RPH3A: variants seen among roughly 807,000 people sequenced by gnomAD.
The protein encoded by RPH3A is rabphilin-3A.
A neutral mutation model predicts 102.2 loss-of-function variants in RPH3A; 48 were observed. That is an observed-to-expected ratio of 0.47 (90% CI 0.37 to 0.60). The LOEUF is 0.60. RPH3A is among the 20% of genes least tolerant of loss of function. The probability of loss-of-function intolerance (pLI) is 0.00; values close to 1 mark genes in which losing one functional copy is unlikely to be tolerated. For missense variants in RPH3A, 781 were observed against 910.1 expected (o/e 0.86, Z 1.83); for synonymous variants, 310 against 324.3 (o/e 0.96, Z 0.47).
rs1555209151 is a variant in RPH3A at position 112,791,899 on chromosome 12, A to AGAGAGAGAGAGAGG, written c.-247_-246insGAGAGAGGGAGAGA. Reference sequence around the variant, plus strand: ...GAGAGAGAGAGAGAGAGAGAGAGAGAGAGAGACTCACAGAGCTAAAACCTT... The same window carrying AGAGAGAGAGAGAGG: ...GAGAGAGAGAGAGAGAGAGAGAGAGAGAGAGAGAGAGAGGGAGAGACTCACAGAGCTAAAACCTT... On this transcript the variant is annotated 5_prime_UTR_variant, in exon 1 of 22. Coordinates refer to ENST00000389385, the MANE Select transcript of RPH3A (RefSeq NM_001143854.2). 1 of 150,584 alleles carries AGAGAGAGAGAGAGG rather than the reference A, an allele frequency of 6.6e-6. No individual in the cohort carries two copies. The highest frequency in any genetic ancestry group is 6.6e-5 in the Admixed American group (1 of 15,154). The allele number at this position is 150,584 out of a possible 1,614,324, so 9.3% of individuals were successfully genotyped here. A position where few individuals can be genotyped will look rare whatever the true frequency, so the allele number is the denominator to read the frequency against.
intron 5 of RPH3A, among the ~76,000 whole-genome samples, chr12:112,853,126 T>C (rs1051579926): frequency 2.6e-5 from 4 of 152,204 alleles, no homozygotes; most frequent in African/African-American, 9.7e-5. Flanking sequence ...CATATATTTT[T>C]TCCAAAATAT....
intron 1 of RPH3A, among the ~76,000 whole-genome samples, chr12:112,688,334 T>C (rs2040282172): frequency 6.6e-6 from 1 of 152,150 alleles, no homozygotes; most frequent in Admixed American, 6.5e-5. Flanking sequence ...AGGTTTTCAT[T>C]AGAGATGCTG....
intron 1 of RPH3A, among the ~76,000 whole-genome samples, chr12:112,776,458 T>C (rs983998041): frequency 5.3e-5 from 8 of 152,284 alleles, no homozygotes; most frequent in African/African-American, 1.9e-4. Context: ...TGGTCTAAGA[T>C]GGCCCTGGTT....
intron 1 of RPH3A, among the ~76,000 whole-genome samples, chr12:112,674,774 C>T (rs759263089): frequency 7.9e-5 from 12 of 152,128 alleles, no homozygotes; most frequent in Non-Finnish European, 1.3e-4. Flanking sequence ...TTCAGAAGCC[C>T]GTGCAACAGA....
chr12:112,716,659 A>G (rs1193473410), intron 1 of RPH3A, among the ~76,000 whole-genome samples: 1 of 152,206 alleles, frequency 6.6e-6, no homozygotes, highest in Admixed American at 6.5e-5. Flanking sequence ...ACCAAGTCAC[A>G]TGCCCACACC....
intron 1 of RPH3A, among the ~76,000 whole-genome samples, chr12:112,778,598 G>T (rs1364687139): frequency 1.3e-5 from 2 of 152,162 alleles, no homozygotes; most frequent in African/African-American, 4.8e-5. Flanking sequence ...ATGGAAAAGT[G>T]TGGGGGCTTC....
chr12:112,842,265 A>C (rs2136180452), intron 4 of RPH3A, among the ~76,000 whole-genome samples: 1 of 152,362 alleles, frequency 6.6e-6, no homozygotes, highest in Non-Finnish European at 1.5e-5. Context: ...TTTCATACCA[A>C]AAATATTTAA....
At chr12:112,767,350 G>A (rs1056142496) in intron 1 of RPH3A, among the ~76,000 whole-genome samples, 1 of 152,104 alleles carries the variant, frequency 6.6e-6, no homozygotes, top group East Asian at 1.9e-4. Context: ...CTCACCCTCT[G>A]GCAGATCCAC....
chr12:112,747,434 A>C (rs60594884), intron 1 of RPH3A, among the ~76,000 whole-genome samples: 1 of 152,232 alleles, frequency 6.6e-6, no homozygotes, highest in South Asian at 2.1e-4. Flanking sequence ...AACTATAAGA[A>C]ATAAATTTCT....
At chr12:112,745,929 C>T (rs541992947) in intron 1 of RPH3A, among the ~76,000 whole-genome samples, 3 of 152,240 alleles carry the variant, frequency 2.0e-5, no homozygotes, top group South Asian at 4.2e-4. Context: ...GATTGTGGAA[C>T]TGTAGATGCC....
rs183694499 is a variant in RPH3A at position 112,772,849 on chromosome 12, A to G, written c.-139-19294A>G. ...TTCACTCATCTCCCGAGCAGTATAC[A>G]CTGCACCATATTTGTAGTCTTTTAT... On this transcript the variant is annotated intron_variant, in intron 1 of 21. Transcript: ENST00000543106. Among the ~76,000 whole-genome samples the G allele has an allele frequency of 2.5e-3, 375 of 152,122 alleles. 3 individuals are homozygous for G. The highest frequency in any genetic ancestry group is 8.8e-3 in the African/African-American group (367 of 41,516).
At chr12:112,724,174 A>C (rs530275455) in intron 1 of RPH3A, among the ~76,000 whole-genome samples, 2 of 150,158 alleles carry the variant, frequency 1.3e-5, no homozygotes, top group African/African-American at 4.9e-5. Flanking sequence ...CTCCTGCCTC[A>C]GCCTCCTGAG....
chr12:112,648,570 C>CAAAAAAAAAAAA (rs1167121829), intron 1 of RPH3A, among the ~76,000 whole-genome samples: 469 of 11,042 alleles, frequency 0.042, 218 homozygotes, highest in African/African-American at 0.11. Flanking sequence ...CCCATCTCTA[C>CAAAAAAAAAAAA]AAAAAAAAAA....
chr12:112,667,669 AGAG>A (rs2040095981), intron 1 of RPH3A, among the ~76,000 whole-genome samples: 2 of 27,998 alleles, frequency 7.1e-5, no homozygotes, highest in Non-Finnish European at 1.1e-4. Flanking sequence ...ATAAAGAGAG[AGAG>A]AGAGAGAGAG....
intron 3 of RPH3A, among the ~76,000 whole-genome samples, chr12:112,833,730 G>GTTT (rs71445581): frequency 1.4e-5 from 2 of 143,706 alleles, no homozygotes; most frequent in African/African-American, 2.5e-5. Context: ...ATAATTTCAT[G>GTTT]TTTTTTTTTT....
chr12:112,836,237 A>G (rs2042048158), intron 3 of RPH3A, among the ~76,000 whole-genome samples: 1 of 152,234 alleles, frequency 6.6e-6, no homozygotes, highest in African/African-American at 2.4e-5. Flanking sequence ...AAATACATAC[A>G]CAATCAGCTC....
chr12:112,879,092 C>T, intron 13 of RPH3A, 27 bp from the exon 14 acceptor site: 1 of 1,582,686 alleles, frequency 6.3e-7, no homozygotes, highest in Non-Finnish European at 8.7e-7. Context: ...TATTCGTTAT[C>T]TTGGTTCCTG....
intron 1 of RPH3A, among the ~76,000 whole-genome samples, chr12:112,671,745 A>C (rs1294983726): frequency 6.6e-6 from 1 of 152,068 alleles, no homozygotes; most frequent in African/African-American, 2.4e-5. Flanking sequence ...GGCACTATTC[A>C]GCTTACAAAT....
chr12:112,840,822 G>A (rs934289101), intron 4 of RPH3A, among the ~76,000 whole-genome samples: 3 of 152,138 alleles, frequency 2.0e-5, no homozygotes, highest in African/African-American at 7.2e-5. Context: ...GCAGCTCTGA[G>A]CATTTCTTCC....
Sources: gnomAD v4.1 joint callset for allele counts (sites outside exome capture counted in the v4.1 genomes callset) on GRCh38, gnomAD v4.1.1 for gene constraint, MANE v1.5 for transcripts, NCBI Gene and HGNC (gene_info 2026-07-23, HGNC 2026-07-21) for gene names.